Variants in OR56B4 observed in about 807,000 individuals in gnomAD.
The protein encoded by OR56B4 is olfactory receptor 56B4.
For missense variants in OR56B4, 447 were observed against 384.6 expected (o/e 1.16, Z -1.36); for synonymous variants, 142 against 149.5 (o/e 0.95, Z 0.37).
At position 6,108,833 on chromosome 11, in the gene OR56B4, A is replaced by C. The variant is rs549646842; in HGVS notation, c.*95A>C. 2 of 1,173,972 alleles carry C rather than the reference A, an allele frequency of 1.7e-6. No homozygotes were observed. The highest frequency in any genetic ancestry group is 3.2e-5 in the South Asian group (2 of 61,618). The allele number at this position is 1,173,972 out of a possible 1,614,324, so 72.7% of individuals were successfully genotyped here. ...ATAATCTGCACTTACCACACTCCCT[A>C]GGAAAAAAATGGCCAATAAAATCAT... On this transcript the variant is annotated 3_prime_UTR_variant, in exon 1 of 1. Transcript: ENST00000316529.
rs144279459 is a variant in OR56B4 at position 6,108,233 on chromosome 11, G to T, written c.455G>T (p.Gly152Val). The T allele has an allele frequency of 2.5e-6, 4 of 1,614,104 alleles. No homozygotes were observed. In the South Asian group the frequency reaches 3.3e-5, roughly 13 times the overall value. ...VTKAFVFKATGFIMLRNGLLT... is the reference protein window; with the variant it reads ...VTKAFVFKATVFIMLRNGLLT... Reference sequence around the variant, plus strand: ...AAAGCTTTTGTCTTCAAAGCCACAGGGTTCATCATGCTCAGGAATGGCCTG... The same window carrying T: ...AAAGCTTTTGTCTTCAAAGCCACAGTGTTCATCATGCTCAGGAATGGCCTG... The change falls in exon 1 of 1, where the codon GGG (glycine) becomes GTG (valine). Residue 152 changes from glycine to valine, a missense_variant. Gly to Val is a moderately radical substitution (Grantham distance 109). Coordinates refer to ENST00000316529, the MANE Select transcript of OR56B4 (RefSeq NM_001005181.2).
rs762632681 is a variant in OR56B4 at position 6,107,873 on chromosome 11, G to A, written c.95G>A (p.Trp32Ter). 76 of 1,614,002 alleles carry A rather than the reference G, an allele frequency of 4.7e-5. No individual in the cohort carries two copies. The highest frequency in any genetic ancestry group is 6.3e-5 in the Non-Finnish European group (74 of 1,180,018). ...GLPGIHEWQH[W>*]LSLPLTLLYL... is the part of the protein sequence containing the mutation. ...CCAGGCATTCATGAGTGGCAGCACT[G>A]GCTCTCCCTGCCCCTGACTCTGCTC... Residue 32 changes from tryptophan to a stop codon, truncating the protein, a stop_gained, in exon 1 of 1, where the codon TGG (tryptophan) becomes TAG (stop). Coordinates refer to ENST00000316529, the MANE Select transcript of OR56B4 (RefSeq NM_001005181.2). LOFTEE classifies it low-confidence loss of function (END_TRUNC).
Position 6,108,579 on chromosome 11 carries a change from C to A in OR56B4, c.801C>A (p.His267Gln), listed in dbSNP as rs765306002. Reference protein sequence around the residue: ...HTGIIVLSVTHLAEKKIPLIP... With the variant: ...HTGIIVLSVTQLAEKKIPLIP... ...GTATCATTGTGCTGTCTGTCACACA[C>A]CTTGCAGAGAAAAAGATTCCCCTTA... Residue 267 changes from histidine to glutamine, a missense_variant, in exon 1 of 1, where the codon CAC becomes CAA. Coordinates refer to ENST00000316529, the MANE Select transcript of OR56B4 (RefSeq NM_001005181.2). 1 of 1,614,100 alleles carries A rather than the reference C, an allele frequency of 6.2e-7. No homozygotes were observed. Among genetic ancestry groups the A allele is most frequent in the Non-Finnish European group, 8.5e-7 (1 of 1,179,986 alleles).
chr11:6,108,527 ACCTCAT>A lies in OR56B4; in HGVS notation c.760_765del (p.Ile254_Leu255del). 2.5e-6 allele frequency: 4 copies of A among 1,614,136 alleles called. No homozygotes were observed. The highest frequency in any genetic ancestry group is 3.4e-6 in the Non-Finnish European group (4 of 1,180,016). ...AAGGCTCTGAGCACTTGTAGCTCCC[ACCTCAT>A]CCTCATCCTCTTCCACACAGGTATC... On this transcript the variant is annotated inframe_deletion, in exon 1 of 1. Transcript: ENST00000316529.
rs767585051 is a variant in OR56B4, at chr11:6,107,882, T to A, written c.104T>A (p.Leu35Gln). 1.9e-6 allele frequency: 3 copies of A among 1,614,184 alleles called. No homozygotes were observed. The highest frequency in any genetic ancestry group is 2.5e-6 in the Non-Finnish European group (3 of 1,180,022). ...GIHEWQHWLSLPLTLLYLLAL... is the reference protein window; with the variant it reads ...GIHEWQHWLSQPLTLLYLLAL... Reference sequence around the variant, plus strand: ...CATGAGTGGCAGCACTGGCTCTCCCTGCCCCTGACTCTGCTCTACCTCTTA... The same window carrying A: ...CATGAGTGGCAGCACTGGCTCTCCCAGCCCCTGACTCTGCTCTACCTCTTA... The change falls in exon 1 of 1, where the codon CTG becomes CAG. Residue 35 changes from leucine (L) to glutamine (Q), a missense_variant. By Grantham distance (113) the Leu-to-Gln change is moderately radical. Transcript: ENST00000316529.
chr11:6,108,308 G>A lies in OR56B4; in HGVS notation c.530G>A (p.Arg177Lys), dbSNP rs553805147. The change falls in exon 1 of 1, where the codon AGG becomes AAG. Residue 177 changes from arginine to lysine, a missense_variant. Arg to Lys is a conservative substitution (Grantham distance 26). Transcript: ENST00000316529. Reference sequence around the variant, plus strand: ...GCTGCCCAGAGACACTACTGTTCCAGGAATGAAATCGAGCACTGCCTCTGC... The same window carrying A: ...GCTGCCCAGAGACACTACTGTTCCAAGAATGAAATCGAGCACTGCCTCTGC... ...ILAAQRHYCS[R>K]NEIEHCLCSN... The A allele has an allele frequency of 1.2e-6, 2 of 1,614,194 alleles. No individual in the cohort carries two copies. The highest frequency in any genetic ancestry group is 4.5e-5 in the East Asian group (2 of 44,886).
chr11:6,108,396 G>A lies in OR56B4; in HGVS notation c.618G>A (p.Leu206=), dbSNP rs772140598. ...DDITVNKFYQ[L]MLAWVLVGSD... is the part of the protein sequence containing the mutation. ...TCACTGTGAACAAATTTTACCAACT[G>A]ATGCTAGCATGGGTCTTGGTTGGGA... The change falls in exon 1 of 1, where the codon CTG becomes CTA. Residue 206 remains leucine, a synonymous_variant. Coordinates refer to ENST00000316529, the MANE Select transcript of OR56B4 (RefSeq NM_001005181.2). 8 of 1,613,992 alleles carry A rather than the reference G, an allele frequency of 5.0e-6. No individual in the cohort carries two copies. Among genetic ancestry groups the A allele is most frequent in the Non-Finnish European group, 6.8e-6 (8 of 1,180,020 alleles).
In OR56B4 at chr11:6,108,190, T is replaced by A; in HGVS notation, c.412T>A (p.Tyr138Asn). The change falls in exon 1 of 1, where the codon TAC (tyrosine) becomes AAC (asparagine). Residue 138 changes from tyrosine to asparagine, a missense_variant. Tyr to Asn is a moderately radical substitution (Grantham distance 143). Coordinates refer to ENST00000316529, the MANE Select transcript of OR56B4 (RefSeq NM_001005181.2). Reference protein sequence around the residue: ...RYIAICRPLQYPSIVTKAFVF... With the variant: ...RYIAICRPLQNPSIVTKAFVF... ...CATAGCCATCTGTCGCCCTCTTCAG[T>A]ACCCCTCCATAGTCACTAAAGCTTT... 6.2e-7 allele frequency: 1 copy of A among 1,614,174 alleles called. No homozygotes were observed. Among genetic ancestry groups the A allele is most frequent in the Non-Finnish European group, 8.5e-7 (1 of 1,180,004 alleles).
Position 6,108,175 on chromosome 11 carries a change from T to G in OR56B4, c.397T>G (p.Cys133Gly). The change falls in exon 1 of 1, where the codon TGT (cysteine) becomes GGT (glycine). Residue 133 changes from cysteine (C) to glycine (G), a missense_variant. Cys to Gly is a radical substitution (Grantham distance 159). Transcript: ENST00000316529. ...GGCAGTAGACAGATACATAGCCATCTGTCGCCCTCTTCAGTACCCCTCCAT... is the reference window on the plus strand; with the variant it reads ...GGCAGTAGACAGATACATAGCCATCGGTCGCCCTCTTCAGTACCCCTCCAT... ...CMAVDRYIAICRPLQYPSIVT... is the reference protein window; with the variant it reads ...CMAVDRYIAIGRPLQYPSIVT... 6.2e-7 allele frequency: 1 copy of G among 1,614,222 alleles called. No individual in the cohort carries two copies. The highest frequency in any genetic ancestry group is 1.1e-5 in the South Asian group (1 of 91,088).
Position 6,108,518 on chromosome 11 carries a change from G to C in OR56B4, c.740G>C (p.Cys247Ser), listed in dbSNP as rs1849029897. ...GCAATGTCCAAGGCTCTGAGCACTT[G>C]TAGCTCCCACCTCATCCTCATCCTC... is the stretch of plus-strand genomic sequence containing the variant. ...AEAMSKALST[C>S]SSHLILILFH... Residue 247 changes from cysteine to serine, a missense_variant, in exon 1 of 1, where the codon TGT (cysteine) becomes TCT (serine). By Grantham distance (112) the Cys-to-Ser change is moderately radical (BLOSUM62 -1). Coordinates refer to ENST00000316529, the MANE Select transcript of OR56B4 (RefSeq NM_001005181.2). 5 of 1,614,064 alleles carry C rather than the reference G, an allele frequency of 3.1e-6. No individual in the cohort carries two copies. The highest frequency in any genetic ancestry group is 1.7e-5 in the Admixed American group (1 of 60,004).
rs752787531 is a variant in OR56B4, at chr11:6,107,886, C to T, written c.108C>T (p.Pro36=). The change falls in exon 1 of 1, where the codon CCC becomes CCT. Residue 36 remains proline (P), a synonymous_variant. Transcript: ENST00000316529. ...IHEWQHWLSL[P]LTLLYLLALG... ...AGTGGCAGCACTGGCTCTCCCTGCC[C>T]CTGACTCTGCTCTACCTCTTAGCTC... 1.9e-6 allele frequency: 3 copies of T among 1,614,048 alleles called. No homozygotes were observed. In the African/African-American group the frequency reaches 4.0e-5, roughly 22 times the overall value.
At position 6,108,370 on chromosome 11, in the gene OR56B4, A is replaced by G. The variant is rs755953567; in HGVS notation, c.592A>G (p.Ile198Val). The G allele has an allele frequency of 3.7e-6, 6 of 1,614,056 alleles. No homozygotes were observed. Among genetic ancestry groups the G allele is most frequent in the South Asian group, 1.1e-5 (1 of 91,078 alleles). The stretch of plus-strand genomic sequence containing the variant: ...GGTTATCAGCCTGGCTTGTGATGAC[A>G]TCACTGTGAACAAATTTTACCAACT... Reference protein sequence around the residue: ...LGVISLACDDITVNKFYQLML... With the variant: ...LGVISLACDDVTVNKFYQLML... The change falls in exon 1 of 1, where the codon ATC (isoleucine) becomes GTC (valine). Residue 198 changes from isoleucine (I) to valine (V), a missense_variant. Coordinates refer to ENST00000316529, the MANE Select transcript of OR56B4 (RefSeq NM_001005181.2).
At position 6,107,823 on chromosome 11, in the gene OR56B4, T is replaced by C. The variant is rs776058116; in HGVS notation, c.45T>C (p.Ile15=). The C allele has an allele frequency of 1.2e-6, 2 of 1,613,968 alleles. No homozygotes were observed. Among genetic ancestry groups the C allele is most frequent in the Non-Finnish European group, 8.5e-7 (1 of 1,179,868 alleles). ...TTACCTATGACTCCAGCCTCCAGAT[T>C]TCCCAGTTCATCCTGATGGGATTAC... ...TSVTYDSSLQ[I]SQFILMGLPG... is the part of the protein sequence containing the mutation. The change falls in exon 1 of 1, where the codon ATT becomes ATC. Residue 15 remains isoleucine, a synonymous_variant. Coordinates refer to ENST00000316529, the MANE Select transcript of OR56B4 (RefSeq NM_001005181.2).
rs1849029832 is a variant in OR56B4 at position 6,108,514 on chromosome 11, A to T, written c.736A>T (p.Thr246Ser). The T allele has an allele frequency of 8.7e-6, 14 of 1,614,196 alleles. No individual in the cohort carries two copies. The East Asian group carries it at 3.1e-4, about 36-fold the overall frequency. The stretch of plus-strand genomic sequence containing the variant: ...AGAAGCAATGTCCAAGGCTCTGAGC[A>T]CTTGTAGCTCCCACCTCATCCTCAT... ...SAEAMSKALSTCSSHLILILF... is the reference protein window; with the variant it reads ...SAEAMSKALSSCSSHLILILF... The change falls in exon 1 of 1, where the codon ACT becomes TCT. Residue 246 changes from threonine to serine, a missense_variant. By Grantham distance (58) the Thr-to-Ser change is moderately conservative. Coordinates refer to ENST00000316529, the MANE Select transcript of OR56B4 (RefSeq NM_001005181.2).
Position 6,108,217 on chromosome 11 carries a change from G to C in OR56B4, c.439G>C (p.Val147Leu), listed in dbSNP as rs780842457. 1.9e-6 allele frequency: 3 copies of C among 1,614,122 alleles called. No individual in the cohort carries two copies. The highest frequency in any genetic ancestry group is 2.2e-5 in the South Asian group (2 of 91,078). Residue 147 changes from valine (V) to leucine (L), a missense_variant, in exon 1 of 1, where the codon GTC becomes CTC. Coordinates refer to ENST00000316529, the MANE Select transcript of OR56B4 (RefSeq NM_001005181.2). The stretch of plus-strand genomic sequence containing the variant: ...CCCCTCCATAGTCACTAAAGCTTTT[G>C]TCTTCAAAGCCACAGGGTTCATCAT... ...QYPSIVTKAFVFKATGFIMLR... is the reference protein window; with the variant it reads ...QYPSIVTKAFLFKATGFIMLR...
chr11:6,108,284 C>T lies in OR56B4; in HGVS notation c.506C>T (p.Ala169Val). 6.2e-7 allele frequency: 1 copy of T among 1,614,174 alleles called. No homozygotes were observed. The highest frequency in any genetic ancestry group is 8.5e-7 in the Non-Finnish European group (1 of 1,179,992). Residue 169 changes from alanine to valine, a missense_variant, in exon 1 of 1, where the codon GCT becomes GTT. Ala to Val is a moderately conservative substitution (Grantham distance 64). Coordinates refer to ENST00000316529, the MANE Select transcript of OR56B4 (RefSeq NM_001005181.2). Reference sequence around the variant, plus strand: ...TTGACCATCCCAGTGCCTATACTGGCTGCCCAGAGACACTACTGTTCCAGG... The same window carrying T: ...TTGACCATCCCAGTGCCTATACTGGTTGCCCAGAGACACTACTGTTCCAGG... Reference protein sequence around the residue: ...GLLTIPVPILAAQRHYCSRNE... With the variant: ...GLLTIPVPILVAQRHYCSRNE...
rs780854957 is a variant in OR56B4 at position 6,108,369 on chromosome 11, C to T, written c.591C>T (p.Asp197=). Residue 197 remains aspartate, a synonymous_variant, in exon 1 of 1, where the codon GAC becomes GAT. Coordinates refer to ENST00000316529, the MANE Select transcript of OR56B4 (RefSeq NM_001005181.2). ...GGGTTATCAGCCTGGCTTGTGATGA[C>T]ATCACTGTGAACAAATTTTACCAAC... The part of the protein sequence containing the change: ...NLGVISLACD[D]ITVNKFYQLM... 1.2e-6 allele frequency: 2 copies of T among 1,614,198 alleles called. No homozygotes were observed. Among genetic ancestry groups the T allele is most frequent in the South Asian group, 2.2e-5 (2 of 91,076 alleles).
Position 6,108,217 on chromosome 11 carries a change from G to A in OR56B4, c.439G>A (p.Val147Ile), listed in dbSNP as rs780842457. 2.5e-6 allele frequency: 4 copies of A among 1,614,122 alleles called. No individual in the cohort carries two copies. The highest frequency in any genetic ancestry group is 3.4e-6 in the Non-Finnish European group (4 of 1,180,024). Residue 147 changes from valine to isoleucine, a missense_variant, in exon 1 of 1, where the codon GTC (valine) becomes ATC (isoleucine). Physicochemically the swap from Val to Ile is conservative, Grantham distance 29. Transcript: ENST00000316529. Reference protein sequence around the residue: ...QYPSIVTKAFVFKATGFIMLR... With the variant: ...QYPSIVTKAFIFKATGFIMLR... ...CCCCTCCATAGTCACTAAAGCTTTT[G>A]TCTTCAAAGCCACAGGGTTCATCAT...
chr11:6,108,063 C>G lies in OR56B4; in HGVS notation c.285C>G (p.Ala95=), dbSNP rs1252306050. The part of the protein sequence containing the change: ...PKILAIFWFD[A]KAISLPMCFA... The stretch of plus-strand genomic sequence containing the variant: ...TCCTGGCCATCTTCTGGTTTGATGC[C>G]AAGGCCATTAGCCTCCCCATGTGTT... Residue 95 remains alanine, a synonymous_variant, in exon 1 of 1, where the codon GCC becomes GCG. Coordinates refer to ENST00000316529, the MANE Select transcript of OR56B4 (RefSeq NM_001005181.2). The G allele has an allele frequency of 6.2e-7, 1 of 1,614,022 alleles. No individual in the cohort carries two copies. Among genetic ancestry groups the G allele is most frequent in the Non-Finnish European group, 8.5e-7 (1 of 1,180,020 alleles).
Sources: gnomAD v4.1 joint callset for allele counts on GRCh38, gnomAD v4.1.1 for gene constraint, MANE v1.5 for transcripts, NCBI Gene and HGNC (gene_info 2026-07-23, HGNC 2026-07-21) for gene names.